The following MPC1 variants were observed in gnomAD, a reference collection of about 807,000 sequenced individuals.
MPC1 encodes HSPC040 protein.
In MPC1, 6 loss-of-function variants were observed where a neutral mutation model predicts 13.9. The observed-to-expected ratio is 0.43, with a 90% confidence interval of 0.24 to 0.85. MPC1 has a LOEUF of 0.85. Ranked by LOEUF, MPC1 falls within the 40% of genes least tolerant of loss-of-function variation. The pLI, the probability that MPC1 is intolerant of heterozygous loss-of-function variation, is 0.24. For synonymous variants in MPC1, 47 were observed against 50.5 expected, an observed-to-expected ratio of 0.93 and a Z score of 0.29; for missense variants, 115 against 143.3, an observed-to-expected ratio of 0.80 and a Z score of 1.01.
chr6:166,382,517 G>A (rs1209485584), intron 1 of MPC1, among the ~76,000 whole-genome samples: 14 of 143,688 alleles, frequency 9.7e-5, no homozygotes, highest in Admixed American at 9.5e-4. Flanking sequence ...TCACCCTGCC[G>A]GGAGAGGACA....
chr6:166,382,774 G>A (rs747983025), intron 1 of MPC1, 32 bp downstream of exon 1: 3 of 1,561,788 alleles, frequency 1.9e-6, no homozygotes, highest in Non-Finnish European at 2.6e-6. Flanking sequence ...AGCCCCTCCG[G>A]GTTGCGGGGT....
Position 166,370,229 on chromosome 6 carries a change from G to C in MPC1, c.72-8C>G. On this transcript the variant is annotated splice_region_variant and splice_polypyrimidine_tract_variant and intron_variant, in intron 1 of 4. Transcript: ENST00000360961. Reference sequence around the variant, plus strand: ...AATAATTTTCTTACCGTACTATTTTGTGAAGAGTCACCGAAGTTCAGACAG... The same window carrying C: ...AATAATTTTCTTACCGTACTATTTTCTGAAGAGTCACCGAAGTTCAGACAG... 1 of 776,622 alleles carries C rather than the reference G, an allele frequency of 1.3e-6. No homozygotes were observed. The highest frequency in any genetic ancestry group is 2.4e-6 in the Non-Finnish European group (1 of 415,796). The allele number at this position is 776,622 out of a possible 1,614,324, so 48.1% of individuals were successfully genotyped here.
At chr6:166,366,324 T>C (rs986016287) in intron 3 of MPC1, among the ~76,000 whole-genome samples, 3 of 152,218 alleles carry the variant, frequency 2.0e-5, no homozygotes, top group Non-Finnish European at 4.4e-5. Flanking sequence ...TATTTAAACA[T>C]TTAAGGAACA....
At chr6:166,367,195 C>G (rs1004909539) in intron 2 of MPC1, 6 of 1,182,154 alleles carry the variant, frequency 5.1e-6, no homozygotes, top group Non-Finnish European at 6.4e-6. Context: ...CTATTTAGAA[C>G]ATTTAAAAAT....
At chr6:166,376,155 CGTGTGTGT>C (rs74273802) in intron 1 of MPC1, among the ~76,000 whole-genome samples, 4 of 150,972 alleles carry the variant, frequency 2.6e-5, no homozygotes, top group African/African-American at 7.3e-5. Flanking sequence ...TATACACATA[CGTGTGTGT>C]GTGTGTGTGT....
At chr6:166,380,947 A>G (rs1468220137) in intron 1 of MPC1, among the ~76,000 whole-genome samples, 3 of 150,530 alleles carry the variant, frequency 2.0e-5, no homozygotes, top group African/African-American at 7.3e-5. Context: ...CTCAAAAAAA[A>G]AAAAAAAAAA....
chr6:166,380,371 T>C (rs1261278754), intron 1 of MPC1, among the ~76,000 whole-genome samples: 1 of 152,216 alleles, frequency 6.6e-6, no homozygotes, highest in Admixed American at 6.5e-5. Context: ...TTCTGAATCT[T>C]AGTGTGGTGC....
chr6:166,378,453 C>T (rs1027914439), intron 1 of MPC1, among the ~76,000 whole-genome samples: 1 of 149,632 alleles, frequency 6.7e-6, no homozygotes, highest in Admixed American at 6.6e-5. Context: ...TATCCATTCA[C>T]CTTTACTGTA....
At chr6:166,368,557 G>A (rs1458599454) in intron 2 of MPC1, among the ~76,000 whole-genome samples, 44 of 114,268 alleles carry the variant, frequency 3.9e-4, no homozygotes, top group Admixed American at 7.1e-4. Context: ...CCGTCTCAGG[G>A]AAAAAAAAAA....
intron 1 of MPC1, among the ~76,000 whole-genome samples, chr6:166,371,391 C>G (rs1367247250): frequency 6.6e-6 from 1 of 152,162 alleles, no homozygotes; most frequent in African/African-American, 2.4e-5. Flanking sequence ...TATTGAGTTA[C>G]TTTTATTTCT....
At chr6:166,370,285 C>T in intron 1 of MPC1, 64 bp from the exon 2 acceptor site, 2 of 706,174 alleles carry the variant, frequency 2.8e-6, no homozygotes, top group Non-Finnish European at 5.2e-6. Flanking sequence ...AAACAAAAAT[C>T]AAATGATTTT....
intron 2 of MPC1, among the ~76,000 whole-genome samples, chr6:166,369,664 A>G (rs1025361421): frequency 1.3e-5 from 2 of 152,236 alleles, no homozygotes; most frequent in Non-Finnish European, 2.9e-5. Context: ...TTTTTAGAAT[A>G]CAATTGATTT....
Position 166,365,572 on chromosome 6 carries a change from T to C in MPC1, c.306-119A>G, listed in dbSNP as rs1779119006. 1.3e-6 allele frequency: 1 copy of C among 785,570 alleles called. No individual in the cohort carries two copies. Among genetic ancestry groups the C allele is most frequent in the African/African-American group, 1.8e-5 (1 of 56,336 alleles). 48.7% of individuals were successfully genotyped at this position (785,570 alleles called of 1,614,324 possible). A position where few individuals can be genotyped will look rare whatever the true frequency, so the allele number is the denominator to read the frequency against. ...AACATTTATTTCAACTTACAACTTA[T>C]AAAAACAATAATATAGGTTGGGTAT... On this transcript the variant is annotated intron_variant, in intron 4 of 4. Transcript: ENST00000360961. The surrounding 1 kb of genome is among the most constrained non-coding windows in gnomAD (Gnocchi z 4.2).
At position 166,365,345 on chromosome 6, in the gene MPC1, G is replaced by A; in HGVS notation, c.*84C>T. ...AATAGCATTCAGTGTATTTTCCTTAGGGAGGCTATTTATAATGAAATCTGT... is the reference window on the plus strand; with the variant it reads ...AATAGCATTCAGTGTATTTTCCTTAAGGAGGCTATTTATAATGAAATCTGT... On this transcript the variant is annotated 3_prime_UTR_variant, in exon 5 of 5. Transcript: ENST00000360961. This position sits in a 1 kb window ranked among gnomAD's most constrained non-coding sequence, Gnocchi z 4.2. 1 of 1,191,428 alleles carries A rather than the reference G, an allele frequency of 8.4e-7. No individual in the cohort carries two copies. 73.8% of individuals were successfully genotyped at this position (1,191,428 alleles called of 1,614,324 possible).
rs760329969 is a variant in MPC1, at chr6:166,382,784, T to A, written c.71+22A>T. 18 of 1,571,434 alleles carry A rather than the reference T, an allele frequency of 1.1e-5. No homozygotes were observed. The African/African-American group carries it at 2.2e-4, about 20-fold the overall frequency. On this transcript the variant is annotated intron_variant, in intron 1 of 4. Transcript: ENST00000360961. ...CCGGGAGCCCCTCCGGGTTGCGGGG[T>A]TCGGCCTGCGGCGCTCGTCACCTCA... is the stretch of plus-strand genomic sequence containing the variant.
chr6:166,365,222 C>T lies in MPC1; in HGVS notation c.*207G>A, dbSNP rs1040319892. 3.9e-5 allele frequency: 16 copies of T among 414,100 alleles called. No individual in the cohort carries two copies. Among genetic ancestry groups the T allele is most frequent in the Non-Finnish European group, 5.9e-5 (14 of 236,972 alleles). 25.7% of individuals were successfully genotyped at this position (414,100 alleles called of 1,614,324 possible). A position where few individuals can be genotyped will look rare whatever the true frequency, so the allele number is the denominator to read the frequency against. ...AATTAATTGCATATTTTGAGCTACTCTTTATGGAAAGAAGTAAAATATTTA... is the reference window on the plus strand; with the variant it reads ...AATTAATTGCATATTTTGAGCTACTTTTTATGGAAAGAAGTAAAATATTTA... On this transcript the variant is annotated 3_prime_UTR_variant, in exon 5 of 5. Coordinates refer to ENST00000360961, the MANE Select transcript of MPC1 (RefSeq NM_016098.4). The surrounding 1 kb of genome is among the most constrained non-coding windows in gnomAD (Gnocchi z 4.2).
At position 166,365,560 on chromosome 6, in the gene MPC1, A is replaced by T; in HGVS notation, c.306-107T>A. 1.1e-6 allele frequency: 1 copy of T among 875,128 alleles called. No homozygotes were observed. Among genetic ancestry groups the T allele is most frequent in the South Asian group, 2.0e-5 (1 of 49,728 alleles). The allele number at this position is 875,128 out of a possible 1,614,324, so 54.2% of individuals were successfully genotyped here. ...ACACCTTTACATAACATTTATTTCA[A>T]CTTACAACTTATAAAAACAATAATA... On this transcript the variant is annotated intron_variant, in intron 4 of 4. Coordinates refer to ENST00000360961, the MANE Select transcript of MPC1 (RefSeq NM_016098.4). The surrounding 1 kb of genome is among the most constrained non-coding windows in gnomAD (Gnocchi z 4.2).
At chr6:166,375,800 G>A (rs868145044) in intron 1 of MPC1, among the ~76,000 whole-genome samples, 40 of 152,298 alleles carry the variant, frequency 2.6e-4, no homozygotes, top group Middle Eastern at 6.8e-3. Context: ...CTATTCGCCA[G>A]AATATAATTT....
intron 1 of MPC1, among the ~76,000 whole-genome samples, chr6:166,379,116 C>T (rs890048323): frequency 6.6e-6 from 1 of 152,184 alleles, no homozygotes; most frequent in Non-Finnish European, 1.5e-5. Flanking sequence ...TCAAAGTCCA[C>T]ACATTATCTT....
Sources: allele counts gnomAD v4.1 joint callset (sites outside exome capture counted in the v4.1 genomes callset), GRCh38; gene constraint gnomAD v4.1.1; non-coding constraint Gnocchi (gnomAD v3.1); transcripts MANE v1.5; gene names NCBI Gene and HGNC (gene_info 2026-07-23, HGNC 2026-07-21).